The following ARMC9 variants were observed in gnomAD, a reference collection of about 807,000 sequenced individuals.
ARMC9 encodes lisH domain-containing protein ARMC9.
In ARMC9, 94 loss-of-function variants were observed where a neutral mutation model predicts 107.0. The ratio of observed to expected loss-of-function variants is 0.88; its 90% CI spans 0.74 to 1.04. ARMC9 has a LOEUF of 1.04. Among genes scored for constraint, ARMC9 ranks in the 50% least tolerant of loss-of-function variants. ARMC9 has a pLI of 0.00. For synonymous variants in ARMC9, 380 were observed against 396.9 expected (o/e 0.96, Z 0.51); for missense variants, 942 against 1,030.1 (o/e 0.91, Z 1.17).
chr2:231,355,709 T>A (rs923540072), intron 21 of ARMC9, 89 bp from the exon 22 acceptor site: 1 of 1,407,744 alleles, frequency 7.1e-7, no homozygotes, highest in African/African-American at 1.5e-5. Context: ...CACCGCCCCC[T>A]CCTGTATTTG....
intron 9 of ARMC9, among the ~76,000 whole-genome samples, chr2:231,248,193 G>C (rs1179909671): frequency 6.6e-6 from 1 of 152,158 alleles, no homozygotes; most frequent in Non-Finnish European, 1.5e-5. Flanking sequence ...CCTTTGCCTG[G>C]TAATGGGATC....
At chr2:231,263,130 G>A (rs1379929562) in intron 12 of ARMC9, among the ~76,000 whole-genome samples, 1 of 152,192 alleles carries the variant, frequency 6.6e-6, no homozygotes, top group Non-Finnish European at 1.5e-5. Context: ...CACGTGTTAA[G>A]AGTGTACTAC....
At position 231,235,389 on chromosome 2, in the gene ARMC9, A is replaced by G; in HGVS notation, c.780+8A>G. The stretch of plus-strand genomic sequence containing the variant: ...ACAGTCAGCGGCAAGATGGTAAGGA[A>G]GATCCCTAATTGTGTGTATGTCTGT... On this transcript the variant is annotated splice_region_variant and intron_variant, in intron 8 of 24. Coordinates refer to ENST00000611582, the MANE Select transcript of ARMC9 (RefSeq NM_001352754.2). The G allele has an allele frequency of 6.2e-7, 1 of 1,614,074 alleles. No homozygotes were observed. The highest frequency in any genetic ancestry group is 1.1e-5 in the South Asian group (1 of 91,042).
At chr2:231,277,213 T>C (rs895088807) in intron 15 of ARMC9, among the ~76,000 whole-genome samples, 2 of 152,200 alleles carry the variant, frequency 1.3e-5, no homozygotes, top group Admixed American at 1.3e-4. Context: ...GAGGTTCTCC[T>C]GTGGGCACAA....
chr2:231,298,981 A>G (rs532133235), intron 19 of ARMC9, among the ~76,000 whole-genome samples: 9 of 152,270 alleles, frequency 5.9e-5, no homozygotes, highest in Admixed American at 3.3e-4. Context: ...ACCAGGGTAA[A>G]TTATGCTCAC....
At chr2:231,323,535 T>G (rs1377130601) in intron 19 of ARMC9, among the ~76,000 whole-genome samples, 1 of 152,194 alleles carries the variant, frequency 6.6e-6, no homozygotes, top group Non-Finnish European at 1.5e-5. Flanking sequence ...CAGCTCAGTT[T>G]GCTTCCGCTC....
chr2:231,208,783 C>A (rs1362731403), intron 3 of ARMC9, among the ~76,000 whole-genome samples: 2 of 152,190 alleles, frequency 1.3e-5, no homozygotes, highest in Non-Finnish European at 2.9e-5. Flanking sequence ...CCTTAAAAAT[C>A]CTTGACTAGG....
At chr2:231,322,418 T>C (rs1009776829) in intron 19 of ARMC9, among the ~76,000 whole-genome samples, 4 of 152,268 alleles carry the variant, frequency 2.6e-5, no homozygotes, top group African/African-American at 9.6e-5. Context: ...AGAAGTCTTA[T>C]AATTATTTCA....
chr2:231,354,209 A>T (rs931728950), intron 21 of ARMC9, among the ~76,000 whole-genome samples: 4 of 144,744 alleles, frequency 2.8e-5, no homozygotes, highest in Admixed American at 1.4e-4. Flanking sequence ...AGGTGGTAGG[A>T]TCACTTGAGC....
intron 7 of ARMC9, among the ~76,000 whole-genome samples, chr2:231,228,344 C>G (rs757196958): frequency 6.6e-6 from 1 of 152,206 alleles, no homozygotes; most frequent in Admixed American, 6.5e-5. Context: ...TCTCCCTCAG[C>G]GTGTCTCTCA....
intron 10 of ARMC9, among the ~76,000 whole-genome samples, chr2:231,257,400 C>T (rs2037931142): frequency 6.6e-6 from 1 of 152,150 alleles, no homozygotes; most frequent in Non-Finnish European, 1.5e-5. Context: ...TTGACTTGGG[C>T]ATGAGGACCA....
At position 231,223,652 on chromosome 2, in the gene ARMC9, C is replaced by A. The variant is rs181879700; in HGVS notation, c.597+832C>A. ...TTCTGCTTCCTTTCTAACTCCAAAG[C>A]ATTTGACTTTCTTGACCTAATTGAG... On this transcript the variant is annotated intron_variant, in intron 6 of 24. Transcript: ENST00000611582. Among the ~76,000 whole-genome samples the A allele has an allele frequency of 2.0e-4, 31 of 152,314 alleles. No individual in the cohort carries two copies. The East Asian group carries it at 2.7e-3, about 13-fold the overall frequency.
At chr2:231,230,279 T>C (rs1325740333) in intron 7 of ARMC9, among the ~76,000 whole-genome samples, 1 of 151,702 alleles carries the variant, frequency 6.6e-6, no homozygotes, top group Non-Finnish European at 1.5e-5. Flanking sequence ...GGAAGGATGG[T>C]TTGAGCCCAG....
intron 19 of ARMC9, among the ~76,000 whole-genome samples, chr2:231,322,075 GAA>G (rs1344771806): frequency 6.6e-6 from 1 of 152,252 alleles, no homozygotes; most frequent in Non-Finnish European, 1.5e-5. Context: ...CTTATTTAAT[GAA>G]CTGGTCTGGT....
intron 4 of ARMC9, 53 bp downstream of exon 4, chr2:231,215,054 G>T (rs2125321591): frequency 6.4e-7 from 1 of 1,573,168 alleles, no homozygotes; most frequent in South Asian, 1.1e-5. Context: ...AAGGAACAGT[G>T]TTTGCTGTCA....
rs760677414 is a variant in ARMC9 at position 231,355,949 on chromosome 2, A to G, written c.2131+15A>G. The G allele has an allele frequency of 1.4e-5, 22 of 1,532,830 alleles. No individual in the cohort carries two copies. The highest frequency in any genetic ancestry group is 1.8e-5 in the Non-Finnish European group (21 of 1,144,412). 95.0% of individuals were successfully genotyped at this position (1,532,830 alleles called of 1,614,324 possible). A position where few individuals can be genotyped will look rare whatever the true frequency, so the allele number is the denominator to read the frequency against. On this transcript the variant is annotated intron_variant, in intron 22 of 24. Transcript: ENST00000611582. ...CTCCTCTTCATGTAAGAATGTGGGC[A>G]GCACACTGGGTCAGTTCTGGGATTG...
chr2:231,321,385 G>A lies in ARMC9; in HGVS notation c.1774-10408G>A, dbSNP rs141504259. 6.1e-3 allele frequency among the ~76,000 whole-genome samples: 925 copies of A among 152,346 alleles called. 10 individuals are homozygous for A. The highest frequency in any genetic ancestry group is 0.022 in the African/African-American group (895 of 41,584). Reference sequence around the variant, plus strand: ...CTCAGTGGGGAAAGGAGGGGTGGGAGGAGGCTGGTCCCAGGCCACACTTTG... The same window carrying A: ...CTCAGTGGGGAAAGGAGGGGTGGGAAGAGGCTGGTCCCAGGCCACACTTTG... On this transcript the variant is annotated intron_variant, in intron 19 of 24. Coordinates refer to ENST00000611582, the MANE Select transcript of ARMC9 (RefSeq NM_001352754.2).
At chr2:231,223,858 G>A (rs191887682) in intron 6 of ARMC9, among the ~76,000 whole-genome samples, 9 of 152,174 alleles carry the variant, frequency 5.9e-5, no homozygotes, top group Admixed American at 1.3e-4. Flanking sequence ...TACATACCAC[G>A]ATGTTTGCAT....
At chr2:231,200,859 C>G (rs567519086) in intron 1 of ARMC9, among the ~76,000 whole-genome samples, 2 of 151,724 alleles carry the variant, frequency 1.3e-5, no homozygotes, top group African/African-American at 4.8e-5. Flanking sequence ...AAAAAAAAGC[C>G]TTGGTAGGGA....
Sources: gnomAD v4.1 joint callset for allele counts (sites outside exome capture counted in the v4.1 genomes callset) on GRCh38, gnomAD v4.1.1 for gene constraint, MANE v1.5 for transcripts, NCBI Gene and HGNC (gene_info 2026-07-23, HGNC 2026-07-21) for gene names.